Variants in NDUFS4 observed in about 807,000 individuals in gnomAD.
The protein encoded by NDUFS4 is NADH dehydrogenase [ubiquinone] iron-sulfur protein 4, mitochondrial.
In NDUFS4, 28 loss-of-function variants were observed where a neutral mutation model predicts 24.3. That is an observed-to-expected ratio of 1.15 (90% CI 0.85 to 1.58). The LOEUF (loss-of-function observed/expected upper bound fraction) is 1.58. NDUFS4 is among the 40% of genes most tolerant of loss of function. The pLI is 0.00. For synonymous variants in NDUFS4, 93 were observed against 69.7 expected, an observed-to-expected ratio of 1.34 and a Z score of -1.67; for missense variants, 223 against 207.9, an observed-to-expected ratio of 1.07 and a Z score of -0.45.
At chr5:53,666,153 T>C (rs1355532817) in intron 4 of NDUFS4, among the ~76,000 whole-genome samples, 1 of 152,248 alleles carries the variant, frequency 6.6e-6, no homozygotes, top group East Asian at 1.9e-4. Flanking sequence ...AACATAGTTA[T>C]GAAAAACAGT....
At chr5:53,601,069 A>T (rs1294404850) in intron 1 of NDUFS4, among the ~76,000 whole-genome samples, 1 of 144,184 alleles carries the variant, frequency 6.9e-6, no homozygotes, top group African/African-American at 2.6e-5. Context: ...CAGTGGCGCG[A>T]TCTCAGCTCA....
chr5:53,647,596 A>T lies in NDUFS4; in HGVS notation c.350+1191A>T, dbSNP rs576784386. Among the ~76,000 whole-genome samples, 11 of 152,286 alleles carry T rather than the reference A, an allele frequency of 7.2e-5. No individual in the cohort carries two copies. In the South Asian group the frequency reaches 1.2e-3, roughly 17 times the overall value. ...TCAGTGACCTAATTCTCCATAATGG[A>T]ATAGGGCCCAAATGTTAAGTAGGAG... On this transcript the variant is annotated intron_variant, in intron 3 of 4. Coordinates refer to ENST00000296684, the MANE Select transcript of NDUFS4 (RefSeq NM_002495.4).
chr5:53,579,922 G>C (rs1422277761), intron 1 of NDUFS4, among the ~76,000 whole-genome samples: 3 of 152,168 alleles, frequency 2.0e-5, no homozygotes, highest in Non-Finnish European at 4.4e-5. Flanking sequence ...CTAAAAGCTA[G>C]AAGAAACAAG....
At chr5:53,674,316 G>C (rs1376922113) in intron 4 of NDUFS4, among the ~76,000 whole-genome samples, 1 of 152,072 alleles carries the variant, frequency 6.6e-6, no homozygotes, top group African/African-American at 2.4e-5. Flanking sequence ...CTTGCCTCTG[G>C]GTGATAGGGC....
Position 53,667,988 on chromosome 5 carries a change from T to C in NDUFS4, c.424+9364T>C, listed in dbSNP as rs531864388. On this transcript the variant is annotated intron_variant, in intron 4 of 4. Coordinates refer to ENST00000296684, the MANE Select transcript of NDUFS4 (RefSeq NM_002495.4). ...TGCTGTATAGGGGGAAATGAGTTTT[T>C]GTTAATACAGCTGATTCTGTGTTAA... is the stretch of plus-strand genomic sequence containing the variant. 6.6e-5 allele frequency among the ~76,000 whole-genome samples: 10 copies of C among 152,328 alleles called. 1 individual carries two copies. In the East Asian group the frequency reaches 1.4e-3, roughly 21 times the overall value.
chr5:53,583,446 TA>T (rs1304662764), intron 1 of NDUFS4, among the ~76,000 whole-genome samples: 1 of 152,228 alleles, frequency 6.6e-6, no homozygotes, highest in Non-Finnish European at 1.5e-5. Context: ...ATTGCAAATC[TA>T]AGTAACTTCC....
chr5:53,587,696 A>G (rs71619967), intron 1 of NDUFS4, among the ~76,000 whole-genome samples: 9 of 151,520 alleles, frequency 5.9e-5, no homozygotes, highest in East Asian at 1.9e-4. Flanking sequence ...CCACACCTCA[A>G]CCTCCCAAGT....
At chr5:53,598,815 CTT>C (rs1360674871) in intron 1 of NDUFS4, among the ~76,000 whole-genome samples, 9 of 152,088 alleles carry the variant, frequency 5.9e-5, no homozygotes, top group Non-Finnish European at 1.0e-4. Context: ...TTTCAGGAAA[CTT>C]ATACAGAAAA....
intron 1 of NDUFS4, among the ~76,000 whole-genome samples, chr5:53,582,041 C>T (rs560458256): frequency 1.3e-5 from 2 of 152,020 alleles, no homozygotes; most frequent in Admixed American, 1.3e-4. Flanking sequence ...GAAACCCTGT[C>T]TCTACTAAAA....
intron 1 of NDUFS4, among the ~76,000 whole-genome samples, chr5:53,600,457 C>CAT (rs1441351433): frequency 6.6e-6 from 1 of 152,012 alleles, no homozygotes; most frequent in Non-Finnish European, 1.5e-5. Flanking sequence ...TACAGGCATG[C>CAT]CCCACCAAGC....
At chr5:53,663,850 T>C (rs111534168) in intron 4 of NDUFS4, among the ~76,000 whole-genome samples, 3 of 152,200 alleles carry the variant, frequency 2.0e-5, no homozygotes, top group Admixed American at 2.0e-4. Context: ...TTAATATTGT[T>C]ATGTGTGAAT....
chr5:53,638,046 C>A (rs1751608341), intron 2 of NDUFS4, among the ~76,000 whole-genome samples: 1 of 152,030 alleles, frequency 6.6e-6, no homozygotes, highest in African/African-American at 2.4e-5. Context: ...GGAAGTTCGG[C>A]AGTTTTTTGG....
At chr5:53,662,392 T>G (rs1234106849) in intron 4 of NDUFS4, among the ~76,000 whole-genome samples, 1 of 152,194 alleles carries the variant, frequency 6.6e-6, no homozygotes, top group Non-Finnish European at 1.5e-5. Flanking sequence ...TGGATTCGGT[T>G]TGCCAGTATT....
intron 1 of NDUFS4, among the ~76,000 whole-genome samples, chr5:53,593,324 T>A (rs1385487151): frequency 1.3e-5 from 2 of 152,032 alleles, no homozygotes; most frequent in Admixed American, 6.6e-5. Context: ...TTAGAGTTGT[T>A]CATAATATTT....
chr5:53,675,016 TCTTAAAAAGTA>T (rs946478665), intron 4 of NDUFS4, among the ~76,000 whole-genome samples: 4 of 152,046 alleles, frequency 2.6e-5, no homozygotes, highest in Non-Finnish European at 4.4e-5. Context: ...TTTTAAGTAC[TCTTAAAAAGTA>T]CTTGTAGCTT....
intron 4 of NDUFS4, among the ~76,000 whole-genome samples, chr5:53,665,102 C>T (rs1428205034): frequency 6.6e-6 from 1 of 152,236 alleles, no homozygotes; most frequent in African/African-American, 2.4e-5. Context: ...ACTCCAGACC[C>T]TATTTGCCTG....
chr5:53,630,544 A>G (rs1751381902), intron 2 of NDUFS4, among the ~76,000 whole-genome samples: 1 of 152,028 alleles, frequency 6.6e-6, no homozygotes, highest in East Asian at 1.9e-4. Flanking sequence ...GTCTTTTCAC[A>G]TAATCGTATA....
At chr5:53,638,208 G>A (rs566549286) in intron 2 of NDUFS4, among the ~76,000 whole-genome samples, 15 of 152,062 alleles carry the variant, frequency 9.9e-5, no homozygotes, top group African/African-American at 3.6e-4. Context: ...CTTATTATTT[G>A]ACAGTTCTTC....
intron 1 of NDUFS4, among the ~76,000 whole-genome samples, chr5:53,567,111 A>G (rs969683005): frequency 2.0e-5 from 3 of 152,160 alleles, no homozygotes; most frequent in African/African-American, 4.8e-5. Flanking sequence ...GACCTCCCAA[A>G]GTGCTGGAAT....
Sources: gnomAD v4.1 joint callset for allele counts (sites outside exome capture counted in the v4.1 genomes callset) on GRCh38, gnomAD v4.1.1 for gene constraint, MANE v1.5 for transcripts, NCBI Gene and HGNC (gene_info 2026-07-23, HGNC 2026-07-21) for gene names.